DCC: variants seen among roughly 807,000 people sequenced by gnomAD.
DCC encodes the protein netrin receptor DCC.
In DCC, 58 loss-of-function variants were observed where a neutral mutation model predicts 172.5. That is an observed-to-expected ratio of 0.34 (90% CI 0.27 to 0.42). The LOEUF (loss-of-function observed/expected upper bound fraction) is 0.42, where lower values mean the gene tolerates loss of function less well. Ranked by LOEUF, DCC falls within the 10% of genes least tolerant of loss-of-function variation. DCC has a pLI of 1.00. For synonymous variants in DCC, 709 were observed against 644.5 expected (o/e 1.10, Z -1.52); for missense variants, 1,740 against 1,791.0 (o/e 0.97, Z 0.51).
chr18:52,880,908 C>T (rs1177944991), intron 2 of DCC, among the ~76,000 whole-genome samples: 1 of 151,976 alleles, frequency 6.6e-6, no homozygotes, highest in African/African-American at 2.4e-5. Flanking sequence ...TATGATAGTT[C>T]TATTTTTAGT....
At chr18:53,460,583 C>T (rs1004602999) in intron 24 of DCC, among the ~76,000 whole-genome samples, 4 of 151,882 alleles carry the variant, frequency 2.6e-5, no homozygotes, top group African/African-American at 9.7e-5. Flanking sequence ...TTTCCAGTTT[C>T]ATCCATGTCC....
chr18:52,616,989 G>T (rs998522426), intron 1 of DCC, among the ~76,000 whole-genome samples: 2 of 152,170 alleles, frequency 1.3e-5, no homozygotes, highest in Non-Finnish European at 2.9e-5. Context: ...TGAATTAAGG[G>T]CTGTAAATAA....
At chr18:52,845,524 C>A (rs983450038) in intron 2 of DCC, among the ~76,000 whole-genome samples, 1 of 152,116 alleles carries the variant, frequency 6.6e-6, no homozygotes, top group African/African-American at 2.4e-5. Flanking sequence ...CCATGAAAAC[C>A]TCTAAACAAT....
intron 1 of DCC, among the ~76,000 whole-genome samples, chr18:52,659,842 T>C (rs1182787549): frequency 6.6e-6 from 1 of 151,890 alleles, no homozygotes; most frequent in Non-Finnish European, 1.5e-5. Flanking sequence ...ACCGTGACCA[T>C]GGATAACAGG....
At chr18:52,544,696 C>A (rs1438557768) in intron 1 of DCC, among the ~76,000 whole-genome samples, 1 of 151,996 alleles carries the variant, frequency 6.6e-6, no homozygotes, top group East Asian at 1.9e-4. Context: ...TCTACAGTAT[C>A]ATCTGGAAAA....
chr18:52,530,463 G>A (rs908544892), intron 1 of DCC, among the ~76,000 whole-genome samples: 1 of 152,148 alleles, frequency 6.6e-6, no homozygotes, highest in African/African-American at 2.4e-5. Context: ...CATTTCTTAG[G>A]AAGTCTCAGT....
At chr18:53,474,100 T>A (rs2045732459) in intron 25 of DCC, among the ~76,000 whole-genome samples, 2 of 152,326 alleles carry the variant, frequency 1.3e-5, no homozygotes, top group South Asian at 4.1e-4. Context: ...TTTATAAGAA[T>A]ATTCTGATTC....
At chr18:53,059,754 AT>A (rs2042467921) in intron 5 of DCC, among the ~76,000 whole-genome samples, 1 of 152,070 alleles carries the variant, frequency 6.6e-6, no homozygotes, top group African/African-American at 2.4e-5. Flanking sequence ...TTTCCATGGC[AT>A]TATCCGAACT....
chr18:53,136,927 G>A (rs1221636193), intron 7 of DCC, among the ~76,000 whole-genome samples: 2 of 152,174 alleles, frequency 1.3e-5, no homozygotes, highest in Non-Finnish European at 2.9e-5. Flanking sequence ...TGGAATGGAA[G>A]TGATTATATC....
At chr18:52,750,984 A>G (rs193249487) in intron 1 of DCC, among the ~76,000 whole-genome samples, 1 of 152,358 alleles carries the variant, frequency 6.6e-6, no homozygotes, top group Admixed American at 6.5e-5. Flanking sequence ...GGGCTCTTAA[A>G]GAAAATGTCC....
At chr18:53,044,034 G>T (rs1359088065) in intron 5 of DCC, among the ~76,000 whole-genome samples, 1 of 151,856 alleles carries the variant, frequency 6.6e-6, no homozygotes, top group African/African-American at 2.4e-5. Flanking sequence ...GTTTCATAAA[G>T]AGTTCGATAT....
intron 1 of DCC, among the ~76,000 whole-genome samples, chr18:52,423,717 T>G (rs754631945): frequency 2.6e-5 from 4 of 152,128 alleles, no homozygotes; most frequent in Admixed American, 1.3e-4. Context: ...ATGGCATTGA[T>G]GAGTAAGAGC....
chr18:53,087,540 C>A (rs1292230559), intron 7 of DCC, among the ~76,000 whole-genome samples: 1 of 151,926 alleles, frequency 6.6e-6, no homozygotes, highest in East Asian at 1.9e-4. Context: ...AATTTTCTCC[C>A]ATTTTGTAGG....
At chr18:53,341,623 A>C (rs779136601) in intron 15 of DCC, among the ~76,000 whole-genome samples, 1 of 152,202 alleles carries the variant, frequency 6.6e-6, no homozygotes, top group Non-Finnish European at 1.5e-5. Flanking sequence ...ACATAGTCTC[A>C]TGTGTTAATA....
intron 15 of DCC, among the ~76,000 whole-genome samples, chr18:53,382,844 A>G (rs1333393095): frequency 6.6e-6 from 1 of 152,080 alleles, no homozygotes; most frequent in East Asian, 1.9e-4. Context: ...TCTTGAATCC[A>G]TGTGGTTTAG....
At chr18:52,909,992 C>A (rs750847800) in intron 3 of DCC, among the ~76,000 whole-genome samples, 5 of 152,012 alleles carry the variant, frequency 3.3e-5, no homozygotes, top group East Asian at 3.9e-4. Flanking sequence ...GCTTTTCAGG[C>A]GAACTGTATA....
chr18:53,477,382 T>C (rs1263491524), intron 25 of DCC, among the ~76,000 whole-genome samples: 1 of 152,214 alleles, frequency 6.6e-6, no homozygotes, highest in Non-Finnish European at 1.5e-5. Context: ...TAGGTAACTA[T>C]GTTTAAAAAT....
At chr18:53,289,209 A>T (rs1183694100) in intron 12 of DCC, among the ~76,000 whole-genome samples, 1 of 152,196 alleles carries the variant, frequency 6.6e-6, no homozygotes, top group Admixed American at 6.5e-5. Flanking sequence ...TGAAATTCGC[A>T]ATATAGGCTC....
intron 27 of DCC, among the ~76,000 whole-genome samples, chr18:53,519,153 A>AT (rs1335122269): frequency 6.6e-6 from 1 of 152,114 alleles, no homozygotes; most frequent in Non-Finnish European, 1.5e-5. Context: ...TCCTTGTGTA[A>AT]TTTTCATAGC....
Sources: gnomAD v4.1 joint callset for allele counts (sites outside exome capture counted in the v4.1 genomes callset) on GRCh38, gnomAD v4.1.1 for gene constraint, MANE v1.5 for transcripts, NCBI Gene and HGNC (gene_info 2026-07-23, HGNC 2026-07-21) for gene names.